Variants in NALF1 observed in about 807,000 individuals in gnomAD.
NALF1 encodes family with sequence similarity 155 member A.
NALF1 carries 3 observed loss-of-function variants against 48.4 expected under a neutral mutation model. That is an observed-to-expected ratio of 0.06 (90% CI 0.03 to 0.16). NALF1 has a LOEUF of 0.16. Among genes scored for constraint, NALF1 ranks in the 10% least tolerant of loss-of-function variants. The probability of loss-of-function intolerance (pLI) is 1.00; values close to 1 mark genes in which losing one functional copy is unlikely to be tolerated. For synonymous variants in NALF1, 262 were observed against 245.7 expected (o/e 1.07, Z -0.62); for missense variants, 526 against 571.5 (o/e 0.92, Z 0.81).
chr13:107,297,819 A>T (rs185214526), intron 1 of NALF1, among the ~76,000 whole-genome samples: 2 of 152,324 alleles, frequency 1.3e-5, no homozygotes, highest in Admixed American at 1.3e-4. Context: ...TGTTGAATAG[A>T]TTATAGCCAC....
chr13:107,171,866 AGTT>A (rs1314979645), intron 2 of NALF1, among the ~76,000 whole-genome samples: 5 of 152,318 alleles, frequency 3.3e-5, no homozygotes, highest in East Asian at 1.9e-4. Context: ...ATAATAGTAG[AGTT>A]GTTGTAAGGA....
chr13:107,378,734 G>A (rs1011040590), intron 1 of NALF1, among the ~76,000 whole-genome samples: 27 of 152,174 alleles, frequency 1.8e-4, no homozygotes, highest in East Asian at 1.2e-3. Context: ...ATGTATTTCC[G>A]TTGAACAATA....
intron 1 of NALF1, among the ~76,000 whole-genome samples, chr13:107,648,777 G>A (rs1366256901): frequency 6.6e-6 from 1 of 152,124 alleles, no homozygotes; most frequent in African/African-American, 2.4e-5. Context: ...CAAAATAGCT[G>A]AACCATTTTG....
chr13:107,469,016 A>T (rs936254268), intron 1 of NALF1, among the ~76,000 whole-genome samples: 2 of 152,184 alleles, frequency 1.3e-5, no homozygotes, highest in African/African-American at 4.8e-5. Flanking sequence ...GCCATAAAAT[A>T]TGAACTTTAA....
At chr13:107,331,308 C>T (rs1356345014) in intron 1 of NALF1, among the ~76,000 whole-genome samples, 2 of 151,978 alleles carry the variant, frequency 1.3e-5, no homozygotes, top group African/African-American at 2.4e-5. Flanking sequence ...CTTGTCAAGA[C>T]GGAGGATCAA....
intron 1 of NALF1, among the ~76,000 whole-genome samples, chr13:107,365,003 C>G (rs1229577379): frequency 2.0e-5 from 2 of 98,340 alleles, no homozygotes; most frequent in Non-Finnish European, 4.2e-5. Context: ...CTCCCCTCCT[C>G]TTCCTCCACC....
intron 1 of NALF1, among the ~76,000 whole-genome samples, chr13:107,331,308 C>G (rs1356345014): frequency 4.6e-5 from 7 of 151,978 alleles, no homozygotes; most frequent in Non-Finnish European, 1.0e-4. Flanking sequence ...CTTGTCAAGA[C>G]GGAGGATCAA....
At chr13:107,733,171 A>C (rs1876363345) in intron 1 of NALF1, among the ~76,000 whole-genome samples, 1 of 152,142 alleles carries the variant, frequency 6.6e-6, no homozygotes, top group African/African-American at 2.4e-5. Flanking sequence ...CAGTATCACT[A>C]ATCCATTATT....
chr13:107,723,503 T>G (rs915690867), intron 1 of NALF1, among the ~76,000 whole-genome samples: 2 of 152,186 alleles, frequency 1.3e-5, no homozygotes, highest in African/African-American at 4.8e-5. Flanking sequence ...ATGTGACATT[T>G]AAAGAGGGTT....
At chr13:107,776,393 T>C (rs938278199) in intron 1 of NALF1, among the ~76,000 whole-genome samples, 1 of 152,094 alleles carries the variant, frequency 6.6e-6, no homozygotes, top group African/African-American at 2.4e-5. Context: ...AAAGGAAAAA[T>C]TGTACACAAG....
chr13:107,821,127 T>G (rs1481429479), intron 1 of NALF1, among the ~76,000 whole-genome samples: 1 of 151,448 alleles, frequency 6.6e-6, no homozygotes. Context: ...TTTCAGTGCT[T>G]AAGTATTATT....
intron 1 of NALF1, among the ~76,000 whole-genome samples, chr13:107,394,655 T>C (rs535321950): frequency 1.3e-4 from 20 of 152,330 alleles, no homozygotes; most frequent in African/African-American, 4.6e-4. Flanking sequence ...CTTAACATTA[T>C]TGAAATTTGG....
intron 1 of NALF1, among the ~76,000 whole-genome samples, chr13:107,384,059 G>A (rs1442959349): frequency 6.6e-6 from 1 of 152,018 alleles, no homozygotes; most frequent in African/African-American, 2.4e-5. Context: ...GATCAGCCTG[G>A]ACAACAATGC....
chr13:107,333,829 T>C (rs964089496), intron 1 of NALF1, among the ~76,000 whole-genome samples: 18 of 152,216 alleles, frequency 1.2e-4, no homozygotes, highest in African/African-American at 3.9e-4. Flanking sequence ...AATTTGTAGA[T>C]GGAATCATTT....
At chr13:107,767,642 C>T (rs892170815) in intron 1 of NALF1, among the ~76,000 whole-genome samples, 6 of 152,134 alleles carry the variant, frequency 3.9e-5, no homozygotes. Context: ...TAAAAGTTAT[C>T]GGTACGCTGC....
At chr13:107,699,346 AAAG>A (rs961223744) in intron 1 of NALF1, among the ~76,000 whole-genome samples, 5 of 152,150 alleles carry the variant, frequency 3.3e-5, no homozygotes, top group African/African-American at 1.2e-4. Flanking sequence ...GAAGTAAAGA[AAAG>A]AAAAAAATAT....
At chr13:107,590,679 C>T (rs1878580658) in intron 1 of NALF1, among the ~76,000 whole-genome samples, 2 of 151,936 alleles carry the variant, frequency 1.3e-5, no homozygotes, top group Admixed American at 1.3e-4. Context: ...ATACATCTAT[C>T]ATGTGTGAAT....
chr13:107,547,863 G>A (rs1031911458), intron 1 of NALF1, among the ~76,000 whole-genome samples: 1 of 152,158 alleles, frequency 6.6e-6, no homozygotes, highest in Admixed American at 6.6e-5. Context: ...AAAGAGAAGG[G>A]TTGCGACTGC....
chr13:107,678,278 G>A (rs547077596), intron 1 of NALF1, among the ~76,000 whole-genome samples: 4 of 152,244 alleles, frequency 2.6e-5, no homozygotes, highest in African/African-American at 9.6e-5. Flanking sequence ...GCGTATGGCC[G>A]GCAGGAGGTG....
Sources: allele counts gnomAD v4.1 joint callset (sites outside exome capture counted in the v4.1 genomes callset), GRCh38; gene constraint gnomAD v4.1.1; transcripts MANE v1.5; gene names NCBI Gene and HGNC (gene_info 2026-07-23, HGNC 2026-07-21).